The following ELAPOR2 variants were observed in gnomAD, a reference collection of about 807,000 sequenced individuals.
ELAPOR2 encodes the protein endosome/lysosome-associated apoptosis and autophagy regulator family member 2.
Under a neutral mutation model 120.7 loss-of-function variants are expected in ELAPOR2, and 89 were observed. The ratio of observed to expected loss-of-function variants is 0.74; its 90% CI spans 0.62 to 0.88. ELAPOR2 has a LOEUF of 0.88. Ranked by LOEUF, ELAPOR2 falls within the 40% of genes least tolerant of loss-of-function variation. ELAPOR2 has a pLI of 0.00. For synonymous variants in ELAPOR2, 444 were observed against 444.9 expected, an observed-to-expected ratio of 1.00 and a Z score of 0.03; for missense variants, 1,134 against 1,251.6, an observed-to-expected ratio of 0.91 and a Z score of 1.42.
intron 21 of ELAPOR2, 172 bp downstream of exon 21, chr7:86,891,552 C>T: frequency 1.9e-6 from 1 of 517,652 alleles, no homozygotes; most frequent in South Asian, 3.6e-5. Context: ...AACAATGCTG[C>T]AGTGAATATT....
Position 86,909,939 on chromosome 7 carries a change from T to A in ELAPOR2, c.2232A>T (p.Ala744=). 2 of 1,613,228 alleles carry A rather than the reference T, an allele frequency of 1.2e-6. No individual in the cohort carries two copies. Among genetic ancestry groups the A allele is most frequent in the Non-Finnish European group, 8.5e-7 (1 of 1,179,434 alleles). ...ITDFTVKEIV[A]GSDDYTNLVG... ...CCAAATTTGTGTAATCATCTGACCC[T>A]GCCACTATTTCTTTTACTGTAAAGT... The change falls in exon 16 of 22, where the codon GCA becomes GCT. Residue 744 remains alanine (A), a synonymous_variant. Transcript: ENST00000450689.
chr7:87,005,512 G>A (rs7801050), intron 1 of ELAPOR2, among the ~76,000 whole-genome samples: 9,391 of 152,204 alleles, frequency 0.062, 384 homozygotes, highest in African/African-American at 0.099. Context: ...GATTTCCCTA[G>A]GTAAAAGCTG....
intron 1 of ELAPOR2, among the ~76,000 whole-genome samples, chr7:87,015,117 C>G (rs1348968367): frequency 6.6e-6 from 1 of 152,080 alleles, no homozygotes; most frequent in Non-Finnish European, 1.5e-5. Context: ...TTTATATTCA[C>G]AAGAAATAAC....
intron 1 of ELAPOR2, among the ~76,000 whole-genome samples, chr7:87,011,408 C>T (rs560344608): frequency 1.3e-5 from 2 of 152,238 alleles, no homozygotes; most frequent in South Asian, 4.1e-4. Flanking sequence ...TAGCATCCAG[C>T]TTTTTAAAAC....
At chr7:87,020,655 G>C (rs896391405) in intron 1 of ELAPOR2, among the ~76,000 whole-genome samples, 2 of 151,986 alleles carry the variant, frequency 1.3e-5, no homozygotes, top group African/African-American at 2.4e-5. Context: ...GTTTTACTTT[G>C]GAATTATGGA....
intron 1 of ELAPOR2, among the ~76,000 whole-genome samples, chr7:87,049,334 T>C (rs1271061203): frequency 6.6e-6 from 1 of 152,058 alleles, no homozygotes; most frequent in East Asian, 1.9e-4. Flanking sequence ...CAGGCTGGAG[T>C]GCAGTGTCCT....
At chr7:86,982,128 G>C (rs1792521075) in intron 1 of ELAPOR2, among the ~76,000 whole-genome samples, 2 of 152,260 alleles carry the variant, frequency 1.3e-5, no homozygotes, top group African/African-American at 4.8e-5. Context: ...CCATTGCTGA[G>C]GCATGAGTAG....
intron 1 of ELAPOR2, among the ~76,000 whole-genome samples, chr7:87,026,391 T>C (rs1283157279): frequency 6.6e-6 from 1 of 152,050 alleles, no homozygotes; most frequent in Non-Finnish European, 1.5e-5. Flanking sequence ...GAATCACTTT[T>C]TTCATGTTTA....
intron 1 of ELAPOR2, among the ~76,000 whole-genome samples, chr7:86,998,246 TTA>T (rs1294555313): frequency 6.6e-6 from 1 of 152,078 alleles, no homozygotes; most frequent in African/African-American, 2.4e-5. Flanking sequence ...ACACTCAAAT[TTA>T]TCTTATTATA....
chr7:86,945,371 T>C (rs1026433063), intron 3 of ELAPOR2, among the ~76,000 whole-genome samples: 1 of 152,238 alleles, frequency 6.6e-6, no homozygotes, highest in Non-Finnish European at 1.5e-5. Context: ...TGCAGTTTTA[T>C]TTGTAAACCC....
chr7:86,912,978 G>A lies in ELAPOR2; in HGVS notation c.1958C>T (p.Ala653Val). 2 of 1,614,014 alleles carry A rather than the reference G, an allele frequency of 1.2e-6. No individual in the cohort carries two copies. The highest frequency in any genetic ancestry group is 2.2e-5 in the East Asian group (1 of 44,844). The change falls in exon 14 of 22, where the codon GCT becomes GTT. Residue 653 changes from alanine to valine, a missense_variant. Transcript: ENST00000450689. ...LSIHQVYGKE[A>V]CIPCGPGSKN... ...ACTCCCAGGCCCGCATGGAATACAA[G>A]CCTCTTTGCCATAGACCTGATGTAT...
At chr7:87,051,443 A>T (rs992978634) in intron 1 of ELAPOR2, among the ~76,000 whole-genome samples, 2 of 152,178 alleles carry the variant, frequency 1.3e-5, no homozygotes, top group Admixed American at 6.5e-5. Flanking sequence ...ACTTCAATGC[A>T]CCTCCTGAGA....
At position 86,965,038 on chromosome 7, in the gene ELAPOR2, C is replaced by T; in HGVS notation, c.190-14G>A. On this transcript the variant is annotated splice_polypyrimidine_tract_variant and intron_variant, in intron 1 of 21. Coordinates refer to ENST00000450689, the MANE Select transcript of ELAPOR2 (RefSeq NM_001142749.3). ...GTGATAATCTTTCTGCAAACAATCA[C>T]AAAAACAAGCCTTTGTTAGAGCCAG... The T allele has an allele frequency of 3.9e-6, 6 of 1,551,324 alleles. No homozygotes were observed. Among genetic ancestry groups the T allele is most frequent in the Non-Finnish European group, 5.2e-6 (6 of 1,146,700 alleles).
intron 1 of ELAPOR2, among the ~76,000 whole-genome samples, chr7:86,989,461 A>G (rs1213104560): frequency 6.6e-6 from 1 of 152,220 alleles, no homozygotes; most frequent in African/African-American, 2.4e-5. Flanking sequence ...AGTATACAAG[A>G]ATAGAGAGTG....
intron 2 of ELAPOR2, among the ~76,000 whole-genome samples, chr7:86,953,247 G>A (rs1791340758): frequency 6.6e-6 from 1 of 152,136 alleles, no homozygotes; most frequent in South Asian, 2.1e-4. Context: ...TAATAATACA[G>A]AGGAGCTAGT....
At chr7:86,974,581 G>GTGTGTGTGTT (rs1554399257) in intron 1 of ELAPOR2, among the ~76,000 whole-genome samples, 4 of 302 alleles carry the variant, frequency 0.013, no homozygotes, top group Admixed American at 0.038. Flanking sequence ...AACCCCTGTA[G>GTGTGTGTGTT]TGTGTGTGTG....
chr7:87,010,253 T>C (rs895654221), intron 1 of ELAPOR2, among the ~76,000 whole-genome samples: 3 of 152,202 alleles, frequency 2.0e-5, no homozygotes, highest in Admixed American at 6.5e-5. Flanking sequence ...AGCTTTCCAG[T>C]TGGAAATCTT....
intron 18 of ELAPOR2, among the ~76,000 whole-genome samples, chr7:86,898,625 C>T (rs935901938): frequency 6.9e-6 from 1 of 145,360 alleles, no homozygotes; most frequent in Admixed American, 6.9e-5. Context: ...TAAGCTGAGT[C>T]TAGAATATTT....
At chr7:86,881,249 T>C (rs544213767) in intron 21 of ELAPOR2, among the ~76,000 whole-genome samples, 1 of 152,214 alleles carries the variant, frequency 6.6e-6, no homozygotes, top group East Asian at 1.9e-4. Flanking sequence ...TAAGCTGGAG[T>C]ACAGTGGTGT....
Sources: gnomAD v4.1 joint callset for allele counts (sites outside exome capture counted in the v4.1 genomes callset) on GRCh38, gnomAD v4.1.1 for gene constraint, MANE v1.5 for transcripts, NCBI Gene and HGNC (gene_info 2026-07-23, HGNC 2026-07-21) for gene names.